Variants in ALDH4A1 observed in about 807,000 individuals in gnomAD.
ALDH4A1 encodes the protein aldehyde dehydrogenase 4 family member A1.
Under a neutral mutation model 70.5 loss-of-function variants are expected in ALDH4A1, and 46 were observed. The observed-to-expected ratio is 0.65, with a 90% CI of 0.51 to 0.83. The LOEUF (loss-of-function observed/expected upper bound fraction) is 0.83, where lower values mean the gene tolerates loss of function less well. Among genes scored for constraint, ALDH4A1 ranks in the 40% least tolerant of loss-of-function variants. The pLI, the probability that ALDH4A1 is intolerant of heterozygous loss-of-function variation, is 0.00. For missense variants in ALDH4A1, 749 were observed against 766.5 expected, an observed-to-expected ratio of 0.98 and a Z score of 0.27; for synonymous variants, 323 against 324.3, an observed-to-expected ratio of 1.00 and a Z score of 0.04.
In ALDH4A1 at chr1:18,884,787, G is replaced by A. The variant is rs567320230; in HGVS notation, c.453+686C>T. ...GAGGCAGGAATAGTCCTTTCGGCTG[G>A]AGAAGGCTCAGGAAGTCTCACGGAG... On this transcript the variant is annotated intron_variant, in intron 5 of 14. Coordinates refer to ENST00000375341, the MANE Select transcript of ALDH4A1 (RefSeq NM_003748.4). 4.6e-5 allele frequency among the ~76,000 whole-genome samples: 7 copies of A among 152,320 alleles called. No homozygotes were observed. In the South Asian group the frequency reaches 8.3e-4, roughly 18 times the overall value.
At position 18,877,483 on chromosome 1, in the gene ALDH4A1, G is replaced by C; in HGVS notation, c.1070C>G (p.Pro357Arg). The C allele has an allele frequency of 6.2e-7, 1 of 1,601,034 alleles. No homozygotes were observed. Among genetic ancestry groups the C allele is most frequent in the Non-Finnish European group, 8.5e-7 (1 of 1,174,144 alleles). ...TTTGATCTGCGGCCACAGCGAGTGC[G>C]GCACGTAGAGACGCGAGCACGCGGA... is the stretch of plus-strand genomic sequence containing the variant. ...KCSACSRLYV[P>R]HSLWPQIKGR... Residue 357 changes from proline to arginine, a missense_variant, in exon 10 of 15, where the codon CCG (proline) becomes CGG (arginine). Transcript: ENST00000375341.
At chr1:18,875,630 T>G in intron 12 of ALDH4A1, 127 bp from the exon 13 acceptor site, 1 of 1,468,428 alleles carries the variant, frequency 6.8e-7, no homozygotes. Context: ...CTTCAGTGTC[T>G]GCAAGAAGGG....
In ALDH4A1 at chr1:18,879,524, T is replaced by C; in HGVS notation, c.867-151A>G. ...CTGGGAACAGGCTGCATTCCAAGAC[T>C]ACGGGGAGCGGGCAACGGGGGGCTA... is the stretch of plus-strand genomic sequence containing the variant. On this transcript the variant is annotated intron_variant, in intron 8 of 14. Transcript: ENST00000375341. 7 of 727,714 alleles carry C rather than the reference T, an allele frequency of 9.6e-6. No individual in the cohort carries two copies. The South Asian group carries it at 1.1e-4, about 11-fold the overall frequency. The allele number at this position is 727,714 out of a possible 1,614,324, so 45.1% of individuals were successfully genotyped here. A position where few individuals can be genotyped will look rare whatever the true frequency, so the allele number is the denominator to read the frequency against.
intron 5 of ALDH4A1, chr1:18,885,183 G>A (rs1229993544): frequency 4.2e-6 from 2 of 480,914 alleles, no homozygotes; most frequent in Admixed American, 3.4e-5. Flanking sequence ...GACAGTGCAG[G>A]CCACCACCAG....
At chr1:18,885,431 A>ACCCCCCCCCCCCCCCCCCCCCCCCGCCCC in intron 5 of ALDH4A1, 42 bp downstream of exon 5, 2 of 478,978 alleles carry the variant, frequency 4.2e-6, no homozygotes, top group Non-Finnish European at 7.0e-6. Context: ...CCTGACTCCC[A>ACCCCCCCCCCCCCCCCCCCCCCCCGCCCC]CCCCACCCCG....
Position 18,872,869 on chromosome 1 carries a change from GT to G in ALDH4A1, c.1667del (p.Asp556AlafsTer89). ...VIKETHKPLGDWSYAYMQ is the reference protein window; with the variant it reads ...VIKETHKPLGXWSYAYMQ ...CTCACTGCATGTACGCGTAGCTCCA[GT>G]CCCCCAGGGGCTTATGTGTCTCCTT... On this transcript the variant is annotated frameshift_variant, in exon 15 of 15. Transcript: ENST00000375341. LOFTEE classifies it high-confidence loss of function. 1 of 1,614,020 alleles carries G rather than the reference GT, an allele frequency of 6.2e-7. No individual in the cohort carries two copies. The highest frequency in any genetic ancestry group is 8.5e-7 in the Non-Finnish European group (1 of 1,179,992).
rs569276560 is a variant in ALDH4A1 at position 18,901,914 on chromosome 1, G to A, written c.62+548C>T. 9.2e-4 allele frequency among the ~76,000 whole-genome samples: 130 copies of A among 141,888 alleles called. 1 individual carries two copies. The highest frequency in any genetic ancestry group is 3.2e-3 in the African/African-American group (122 of 37,708). 93.1% of individuals were successfully genotyped at this position (141,888 alleles called of 152,430 possible). ...CAAGAAGAAAGGAATCCTTTTTTCT[G>A]TCCAACATTTAACTTGAAAAAAAAA... On this transcript the variant is annotated intron_variant, in intron 1 of 14. Transcript: ENST00000375341.
chr1:18,892,564 G>GGA (rs989295799), intron 1 of ALDH4A1, among the ~76,000 whole-genome samples: 3 of 151,784 alleles, frequency 2.0e-5, no homozygotes, highest in African/African-American at 7.2e-5. Flanking sequence ...GAGGCGGGGG[G>GGA]GGGCTGAGAG....
chr1:18,891,802 C>A (rs144597892), intron 1 of ALDH4A1, among the ~76,000 whole-genome samples: 1 of 152,172 alleles, frequency 6.6e-6, no homozygotes, highest in Admixed American at 6.5e-5. Context: ...CCAAGGTGGG[C>A]GGATCACTTG....
chr1:18,881,611 G>A, intron 8 of ALDH4A1, 89 bp downstream of exon 8: 1 of 1,452,968 alleles, frequency 6.9e-7, no homozygotes, highest in South Asian at 1.2e-5. Context: ...CATGACCCCT[G>A]GGTTCACAGC....
At position 18,877,554 on chromosome 1, in the gene ALDH4A1, C is replaced by T. The variant is rs1414634020; in HGVS notation, c.999G>A (p.Val333=). 2 of 1,612,262 alleles carry T rather than the reference C, an allele frequency of 1.2e-6. No homozygotes were observed. Among genetic ancestry groups the T allele is most frequent in the Non-Finnish European group, 1.7e-6 (2 of 1,179,772 alleles). The part of the protein sequence containing the change: ...VHRSADVESV[V]SGTLRSAFEY... ...CGAAGGCTGAGCGGAGGGTCCCGCTCACCACGCTCTCCACGTCGGCCGAGC... is the reference window on the plus strand; with the variant it reads ...CGAAGGCTGAGCGGAGGGTCCCGCTTACCACGCTCTCCACGTCGGCCGAGC... The change falls in exon 10 of 15, where the codon GTG becomes GTA. Residue 333 remains valine, a synonymous_variant. Transcript: ENST00000375341.
chr1:18,886,672 G>A (rs1371173832), intron 3 of ALDH4A1, among the ~76,000 whole-genome samples, 161 bp from the exon 4 acceptor site: 1 of 152,122 alleles, frequency 6.6e-6, no homozygotes, highest in Non-Finnish European at 1.5e-5. Context: ...CGGCCCACAG[G>A]TTGCTCCCTG....
At chr1:18,901,541 G>A (rs926537699) in intron 1 of ALDH4A1, among the ~76,000 whole-genome samples, 2 of 152,210 alleles carry the variant, frequency 1.3e-5, no homozygotes, top group Non-Finnish European at 2.9e-5. Context: ...CTCCGAGCTG[G>A]AGGGGCTCTG....
At chr1:18,877,307 A>T (rs1934742536) in intron 10 of ALDH4A1, 52 bp from the exon 11 acceptor site, 1 of 1,573,972 alleles carries the variant, frequency 6.4e-7, no homozygotes, top group East Asian at 2.4e-5. Flanking sequence ...GCCGAGACCA[A>T]GGGAGACCCC....
At chr1:18,890,304 G>C (rs1935386773) in intron 1 of ALDH4A1, 199 bp from the exon 2 acceptor site, 1 of 543,378 alleles carries the variant, frequency 1.8e-6, no homozygotes, top group South Asian at 2.0e-5. Context: ...CACTTTGGGA[G>C]ACCAAGGCGG....
Position 18,902,537 on chromosome 1 carries a change from CGG to C in ALDH4A1, c.-16_-15del. The C allele has an allele frequency of 6.7e-7, 1 of 1,484,362 alleles. No individual in the cohort carries two copies. The highest frequency in any genetic ancestry group is 1.3e-5 in the South Asian group (1 of 78,268). 91.9% of individuals were successfully genotyped at this position (1,484,362 alleles called of 1,614,324 possible). Reference sequence around the variant, plus strand: ...CGGCAGCAGCATCTCGGGTTAGAAGCGGGGCTGTTCGCTGGATCGTCCGCCCG... The same window carrying C: ...CGGCAGCAGCATCTCGGGTTAGAAGCGGCTGTTCGCTGGATCGTCCGCCCG... On this transcript the variant is annotated 5_prime_UTR_variant, in exon 1 of 15. Coordinates refer to ENST00000375341, the MANE Select transcript of ALDH4A1 (RefSeq NM_003748.4).
At position 18,871,824 on chromosome 1, in the gene ALDH4A1, G is replaced by T. The variant is rs1038642381; in HGVS notation, c.*1021C>A. ...GGAATCGTGGTCACAGATTGGCTGC[G>T]TCAAAAAAAGAATGGGCCAGTGAGG... On this transcript the variant is annotated 3_prime_UTR_variant, in exon 15 of 15. Transcript: ENST00000375341. The T allele has an allele frequency of 1.3e-5, 2 of 152,224 alleles. No individual in the cohort carries two copies. The highest frequency in any genetic ancestry group is 4.8e-5 in the African/African-American group (2 of 41,442). 9.4% of individuals were successfully genotyped at this position (152,224 alleles called of 1,614,324 possible). A position where few individuals can be genotyped will look rare whatever the true frequency, so the allele number is the denominator to read the frequency against.
At chr1:18,887,554 G>C (rs755768741) in intron 3 of ALDH4A1, among the ~76,000 whole-genome samples, 9 of 152,040 alleles carry the variant, frequency 5.9e-5, no homozygotes, top group African/African-American at 2.2e-4. Flanking sequence ...AGCCGAGATC[G>C]CACCACTGCA....
rs1454941193 is a variant in ALDH4A1, at chr1:18,898,266, GAGCTGAGA to G, written c.62+4188_62+4195del. Among the ~76,000 whole-genome samples, 3 of 152,196 alleles carry G rather than the reference GAGCTGAGA, an allele frequency of 2.0e-5. No homozygotes were observed. The highest frequency in any genetic ancestry group is 7.2e-5 in the African/African-American group (3 of 41,444). On this transcript the variant is annotated intron_variant, in intron 1 of 14. Transcript: ENST00000375341. This position sits in a 1 kb window ranked among gnomAD's most constrained non-coding sequence, Gnocchi z 4.3. Reference sequence around the variant, plus strand: ...GAGCCCAGGAGGTTGAGGCTGTAGTGAGCTGAGATCATGACACTGTACTCCAGCCTGGA... The same window carrying G: ...GAGCCCAGGAGGTTGAGGCTGTAGTGTCATGACACTGTACTCCAGCCTGGA...
Sources: allele counts gnomAD v4.1 joint callset (sites outside exome capture counted in the v4.1 genomes callset), GRCh38; gene constraint gnomAD v4.1.1; non-coding constraint Gnocchi (gnomAD v3.1); transcripts MANE v1.5; gene names NCBI Gene and HGNC (gene_info 2026-07-23, HGNC 2026-07-21).